FHOD3: variants seen among roughly 807,000 people sequenced by gnomAD.
FHOD3 encodes FH1/FH2 domain-containing protein 3.
FHOD3 carries 90 observed loss-of-function variants against 173.0 expected under a neutral mutation model. That is an observed-to-expected ratio of 0.52 (90% confidence interval 0.44 to 0.62). FHOD3 has a LOEUF of 0.62. Ranked by LOEUF, FHOD3 falls within the 20% of genes least tolerant of loss-of-function variation. FHOD3 has a pLI of 0.00. For synonymous variants in FHOD3, 828 were observed against 823.0 expected (o/e 1.01, Z -0.10); for missense variants, 1,945 against 2,034.7 (o/e 0.96, Z 0.85).
chr18:36,445,944 T>G (rs999763869), intron 3 of FHOD3, among the ~76,000 whole-genome samples: 14 of 152,180 alleles, frequency 9.2e-5, no homozygotes, highest in Non-Finnish European at 1.8e-4. Context: ...TTGATCCTAC[T>G]CCAGGATTCT....
At chr18:36,339,530 A>G (rs1337377301) in intron 1 of FHOD3, among the ~76,000 whole-genome samples, 2 of 152,238 alleles carry the variant, frequency 1.3e-5, no homozygotes, top group Admixed American at 6.5e-5. Flanking sequence ...GCAAAGGCCA[A>G]CGGGACAGTG....
At chr18:36,641,952 CA>C (rs11379735) in intron 10 of FHOD3, among the ~76,000 whole-genome samples, 10,306 of 136,974 alleles carry the variant, frequency 0.075, 562 homozygotes, top group East Asian at 0.2. Flanking sequence ...AACTCGGTCT[CA>C]AAAAAAAAAA....
At chr18:36,380,667 G>C (rs999858585) in intron 3 of FHOD3, among the ~76,000 whole-genome samples, 3 of 126,622 alleles carry the variant, frequency 2.4e-5, no homozygotes, top group Non-Finnish European at 4.7e-5. Context: ...TTTCTTTTCA[G>C]AGTCAATGGT....
chr18:36,342,428 A>G (rs778122606), intron 1 of FHOD3, among the ~76,000 whole-genome samples: 44 of 152,188 alleles, frequency 2.9e-4, no homozygotes, highest in Non-Finnish European at 5.6e-4. Context: ...ATTAAAACTC[A>G]TGGGAATTAA....
Position 36,473,903 on chromosome 18 carries a change from A to G in FHOD3, c.338-28029A>G, listed in dbSNP as rs540187336. On this transcript the variant is annotated intron_variant, in intron 3 of 28. Coordinates refer to ENST00000590592, the MANE Select transcript of FHOD3 (RefSeq NM_001281740.3). ...TCACTCCTGAACACACTTTTTGGGA[A>G]GCATCCTTGGGTATTAGTAATATAC... Among the ~76,000 whole-genome samples the G allele has an allele frequency of 8.5e-5, 13 of 152,322 alleles. 1 individual carries two copies. In the South Asian group the frequency reaches 2.7e-3, roughly 32 times the overall value.
chr18:36,666,986 T>C (rs934835717), intron 14 of FHOD3, among the ~76,000 whole-genome samples: 4 of 152,226 alleles, frequency 2.6e-5, no homozygotes, highest in Non-Finnish European at 1.5e-5. Context: ...TGTGTGTTTT[T>C]AGCATTTTAT....
At chr18:36,709,486 A>G in intron 18 of FHOD3, 95 bp downstream of exon 18, 1 of 1,386,166 alleles carries the variant, frequency 7.2e-7, no homozygotes, top group South Asian at 1.4e-5. Flanking sequence ...CTGGCCTCTG[A>G]GGTGACCTGG....
Position 36,718,711 on chromosome 18 carries a change from C to G in FHOD3, c.3413C>G (p.Ser1138Ter). The change falls in exon 19 of 29, where the codon TCA (serine) becomes TGA (stop). Residue 1138 changes from serine (S) to a stop codon, truncating the protein, a stop_gained. Coordinates refer to ENST00000590592, the MANE Select transcript of FHOD3 (RefSeq NM_001281740.3). LOFTEE classifies it high-confidence loss of function. The stretch of plus-strand genomic sequence containing the variant: ...TCTAAATCCAAGGAACTGTCTGTCT[C>G]AAAGGTACTGCTAGTCTTCAGCATG... ...FESKSKELSV[S>*]KKTAADGKRQ... 1 of 1,611,668 alleles carries G rather than the reference C, an allele frequency of 6.2e-7. No homozygotes were observed. The highest frequency in any genetic ancestry group is 8.5e-7 in the Non-Finnish European group (1 of 1,178,430).
rs529666770 is a variant in FHOD3 at position 36,352,595 on chromosome 18, G to A, written c.166-2944G>A. Among the ~76,000 whole-genome samples the A allele has an allele frequency of 4.7e-4, 72 of 152,252 alleles. 1 individual carries two copies. The South Asian group carries it at 0.012, about 26-fold the overall frequency. ...CTCCAGACAGCGCTACTTGCTCTTC[G>A]TTCTCTCCCTCTGGCTGAGTGTGGA... On this transcript the variant is annotated intron_variant, in intron 1 of 28. Coordinates refer to ENST00000590592, the MANE Select transcript of FHOD3 (RefSeq NM_001281740.3).
chr18:36,745,715 C>T (rs866827939), intron 23 of FHOD3, among the ~76,000 whole-genome samples: 1 of 151,522 alleles, frequency 6.6e-6, no homozygotes, highest in African/African-American at 2.4e-5. Flanking sequence ...TCAGCCCCTC[C>T]CGACCCCGTA....
chr18:36,552,067 A>C (rs532104374), intron 5 of FHOD3, among the ~76,000 whole-genome samples: 1 of 152,296 alleles, frequency 6.6e-6, no homozygotes, highest in African/African-American at 2.4e-5. Flanking sequence ...GATGGCATTA[A>C]ATCTGTAAAT....
At chr18:36,340,915 G>A (rs1216549743) in intron 1 of FHOD3, among the ~76,000 whole-genome samples, 2 of 152,112 alleles carry the variant, frequency 1.3e-5, no homozygotes, top group Admixed American at 6.5e-5. Flanking sequence ...GGGATTACAG[G>A]CGTGAGCCAC....
chr18:36,530,009 AG>A lies in FHOD3; in HGVS notation c.511+17471del, dbSNP rs145832378. On this transcript the variant is annotated intron_variant, in intron 5 of 28. Coordinates refer to ENST00000590592, the MANE Select transcript of FHOD3 (RefSeq NM_001281740.3). ...TTGAGAGGGACCAGCCTTCCAAGGT[AG>A]GGGGTTTGGTCATGGGGGGTGGGAA... 7.3e-3 allele frequency among the ~76,000 whole-genome samples: 1,102 copies of A among 151,144 alleles called. 10 individuals carry two copies. The highest frequency in any genetic ancestry group is 0.025 in the African/African-American group (1,041 of 41,138).
chr18:36,771,654 A>G (rs1177549726), intron 28 of FHOD3, among the ~76,000 whole-genome samples: 1 of 152,216 alleles, frequency 6.6e-6, no homozygotes, highest in African/African-American at 2.4e-5. Context: ...AGCTACTTCA[A>G]GGTCACCACA....
At chr18:36,466,176 G>A (rs1216116698) in intron 3 of FHOD3, among the ~76,000 whole-genome samples, 2 of 152,158 alleles carry the variant, frequency 1.3e-5, no homozygotes, top group African/African-American at 4.8e-5. Context: ...CCAGAGGGAG[G>A]GAGACTCTCA....
intron 5 of FHOD3, among the ~76,000 whole-genome samples, chr18:36,563,795 C>T (rs933520308): frequency 1.4e-4 from 21 of 152,158 alleles, no homozygotes; most frequent in African/African-American, 5.1e-4. Flanking sequence ...TGTGCCCCAT[C>T]CTTTAAGGTA....
intron 16 of FHOD3, among the ~76,000 whole-genome samples, chr18:36,691,136 A>G (rs573790542): frequency 1.3e-5 from 2 of 152,272 alleles, no homozygotes; most frequent in Non-Finnish European, 2.9e-5. Flanking sequence ...GGCTCCCCAC[A>G]AATTCCTGCC....
Position 36,625,642 on chromosome 18 carries a change from C to T in FHOD3, c.1089C>T (p.Arg363=). ...EHRGLDRRRS[R]RHSVQSIKST... ...GGGGCCTGGACCGCAGAAGGAGCCG[C>T]AGGCACTCGGTGCAGAGCATCAAGA... Residue 363 remains arginine (R), a synonymous_variant, in exon 10 of 29, where the codon CGC becomes CGT. Coordinates refer to ENST00000590592, the MANE Select transcript of FHOD3 (RefSeq NM_001281740.3). 1.9e-6 allele frequency: 3 copies of T among 1,608,972 alleles called. No homozygotes were observed. Among genetic ancestry groups the T allele is most frequent in the East Asian group, 2.2e-5 (1 of 44,494 alleles).
intron 3 of FHOD3, among the ~76,000 whole-genome samples, chr18:36,459,974 G>C (rs1485798538): frequency 6.6e-6 from 1 of 152,112 alleles, no homozygotes; most frequent in Non-Finnish European, 1.5e-5. Context: ...CCTTGTTTTT[G>C]ATGACCTTGC....
Sources: gnomAD v4.1 joint callset for allele counts (sites outside exome capture counted in the v4.1 genomes callset) on GRCh38, gnomAD v4.1.1 for gene constraint, MANE v1.5 for transcripts, NCBI Gene and HGNC (gene_info 2026-07-23, HGNC 2026-07-21) for gene names.